TDRD12: variants seen among roughly 807,000 people sequenced by gnomAD.
TDRD12 encodes the protein putative ATP-dependent RNA helicase TDRD12.
TDRD12 carries 158 observed loss-of-function variants against 133.5 expected under a neutral mutation model. The observed-to-expected ratio is 1.18, with a 90% CI of 1.04 to 1.35. The LOEUF is 1.35. TDRD12 is among the 40% of genes most tolerant of loss of function. The probability of loss-of-function intolerance (pLI) is 0.00; values close to 1 mark genes in which losing one functional copy is unlikely to be tolerated. For synonymous variants in TDRD12, 460 were observed against 477.9 expected (o/e 0.96, Z 0.49); for missense variants, 1,443 against 1,321.3 (o/e 1.09, Z -1.43).
chr19:32,742,108 A>G (rs1969446093), intron 3 of TDRD12, among the ~76,000 whole-genome samples: 1 of 151,950 alleles, frequency 6.6e-6, no homozygotes, highest in African/African-American at 2.4e-5. Flanking sequence ...TTTGCTTTAC[A>G]GGTATGTTCA....
intron 26 of TDRD12, among the ~76,000 whole-genome samples, chr19:32,817,842 C>T (rs761989490): frequency 4.0e-5 from 6 of 149,730 alleles, no homozygotes; most frequent in Non-Finnish European, 7.4e-5. Context: ...CTAAATGGCC[C>T]GTACACACGA....
At chr19:32,777,191 T>C (rs1250513245) in exon 11 of TDRD12, 2 of 1,542,856 alleles carry the variant, frequency 1.3e-6, no homozygotes, top group Admixed American at 2.1e-5. Flanking sequence ...TTAGATTGAC[T>C]GAGAAGAAAG....
chr19:32,734,784 A>G (rs1969175739), intron 2 of TDRD12, among the ~76,000 whole-genome samples: 1 of 152,138 alleles, frequency 6.6e-6, no homozygotes, highest in Non-Finnish European at 1.5e-5. Context: ...GACTATAGGC[A>G]CCATTTTTCC....
At chr19:32,741,229 G>A (rs1046329808) in intron 3 of TDRD12, among the ~76,000 whole-genome samples, 7 of 152,170 alleles carry the variant, frequency 4.6e-5, no homozygotes, top group African/African-American at 1.7e-4. Context: ...CTACAGGCGT[G>A]TGCCACCACG....
exon 19 of TDRD12, chr19:32,801,870 T>C (rs779803694): frequency 4.6e-5 from 57 of 1,233,666 alleles, no homozygotes; most frequent in Non-Finnish European, 6.0e-5. Flanking sequence ...TCAAATTATA[T>C]TAGGTAAGTG....
chr19:32,771,642 G>C (rs1251501487), intron 8 of TDRD12, among the ~76,000 whole-genome samples: 1 of 149,964 alleles, frequency 6.7e-6, no homozygotes, highest in African/African-American at 2.5e-5. Context: ...CGGACTTAGT[G>C]ATTTTTGTTT....
intron 8 of TDRD12, among the ~76,000 whole-genome samples, chr19:32,764,198 C>T (rs963795745): frequency 6.7e-6 from 1 of 148,592 alleles, no homozygotes; most frequent in Admixed American, 6.9e-5. Flanking sequence ...GCAAGCTCCG[C>T]CTCCCAGGTT....
intron 3 of TDRD12, among the ~76,000 whole-genome samples, chr19:32,740,573 G>A (rs184983167): frequency 5.3e-5 from 8 of 152,148 alleles, no homozygotes; most frequent in East Asian, 3.9e-4. Flanking sequence ...CATCTCCTGC[G>A]TTCTCTGCAT....
At position 32,749,884 on chromosome 19, in the gene TDRD12, T is replaced by C. The variant is rs1479632101; in HGVS notation, c.582+15T>C. 2.0e-6 allele frequency: 3 copies of C among 1,464,440 alleles called. No homozygotes were observed. Among genetic ancestry groups the C allele is most frequent in the Admixed American group, 4.4e-5 (2 of 45,394 alleles). 90.7% of individuals were successfully genotyped at this position (1,464,440 alleles called of 1,614,324 possible). On this transcript the variant is annotated intron_variant, in intron 6 of 27. Coordinates refer to ENST00000444215, the Ensembl canonical transcript of TDRD12. ...AAGATGAAAAAGTAAGTGAAAGAAT[T>C]GTATTTTTATAATATTTCATCATTT...
chr19:32,820,202 G>A (rs934587739), intron 27 of TDRD12, among the ~76,000 whole-genome samples: 1 of 152,084 alleles, frequency 6.6e-6, no homozygotes, highest in Non-Finnish European at 1.5e-5. Flanking sequence ...AGACAGGCAC[G>A]GACCCCTCCT....
intron 8 of TDRD12, among the ~76,000 whole-genome samples, chr19:32,761,139 C>T (rs34174673): frequency 0.25 from 37,983 of 152,058 alleles, 5,094 homozygotes; most frequent in Middle Eastern, 0.33. Context: ...GTTTTTGAGA[C>T]GGAGTCTCAC....
Position 32,802,038 on chromosome 19 carries a change from G to A in TDRD12, c.2197+165G>A, listed in dbSNP as rs1971403338. Among the ~76,000 whole-genome samples, 3 of 151,090 alleles carry A rather than the reference G, an allele frequency of 2.0e-5. No individual in the cohort carries two copies. In the South Asian group the frequency reaches 6.2e-4, roughly 31 times the overall value. On this transcript the variant is annotated intron_variant, in intron 19 of 27. Transcript: ENST00000444215. Reference sequence around the variant, plus strand: ...AAAATGAAAAATTAACCTCCACTAAGATTTTGATGTTGAGGTAAATCTCTC... The same window carrying A: ...AAAATGAAAAATTAACCTCCACTAAAATTTTGATGTTGAGGTAAATCTCTC...
intron 9 of TDRD12, chr19:32,826,690 A>G: frequency 1.6e-6 from 2 of 1,232,348 alleles, no homozygotes; most frequent in Non-Finnish European, 2.0e-6. Context: ...CAGAACCCCA[A>G]CGTGGCTTTT....
intron 17 of TDRD12, 29 bp downstream of exon 17, chr19:32,800,387 G>GTGTGTA (rs754227192): frequency 1.1e-5 from 10 of 900,186 alleles, no homozygotes; most frequent in Middle Eastern, 2.6e-4. Context: ...GTATGTGTAT[G>GTGTGTA]TGTGTGTGTG....
intron 1 of TDRD12, among the ~76,000 whole-genome samples, chr19:32,722,224 T>A (rs1968706249): frequency 6.6e-6 from 1 of 152,194 alleles, no homozygotes; most frequent in African/African-American, 2.4e-5. Flanking sequence ...ATTTCTTCTT[T>A]AGAAGAGACA....
At chr19:32,737,457 G>A (rs117146612) in intron 2 of TDRD12, among the ~76,000 whole-genome samples, 5,855 of 152,138 alleles carry the variant, frequency 0.038, 237 homozygotes, top group East Asian at 0.24. Context: ...CACTCACCTC[G>A]ACCTCCCAAA....
At chr19:32,742,835 C>T (rs769932940) in exon 4 of TDRD12, 137 of 1,551,614 alleles carry the variant, frequency 8.8e-5, no homozygotes, top group Non-Finnish European at 1.1e-4. Context: ...CAAAAAAATT[C>T]AGCCTGTACT....
intron 3 of TDRD12, among the ~76,000 whole-genome samples, chr19:32,741,645 G>A (rs1969430132): frequency 6.6e-6 from 1 of 152,212 alleles, no homozygotes; most frequent in Non-Finnish European, 1.5e-5. Context: ...GGCCATGGGT[G>A]CAGCCACCTT....
chr19:32,780,716 G>A (rs1392500426), intron 11 of TDRD12, among the ~76,000 whole-genome samples: 1 of 152,066 alleles, frequency 6.6e-6, no homozygotes, highest in African/African-American at 2.4e-5. Flanking sequence ...CAGTCACACA[G>A]CACGGCTGCT....
Sources: allele counts gnomAD v4.1 joint callset (sites outside exome capture counted in the v4.1 genomes callset), GRCh38; gene constraint gnomAD v4.1.1; transcripts MANE v1.5; gene names NCBI Gene and HGNC (gene_info 2026-07-23, HGNC 2026-07-21).